The following DERA variants were observed in gnomAD, a reference collection of about 807,000 sequenced individuals.
DERA encodes the protein 2-deoxy-D-ribose 5-phosphate aldolase.
Under a neutral mutation model 41.1 loss-of-function variants are expected in DERA, and 15 were observed. The observed-to-expected ratio is 0.37, with a 90% confidence interval of 0.24 to 0.56. DERA has a LOEUF of 0.56. Ranked by LOEUF, DERA falls within the 20% of genes least tolerant of loss-of-function variation. DERA has a pLI of 0.81. For synonymous variants in DERA, 139 were observed against 137.4 expected (o/e 1.01, Z -0.08); for missense variants, 396 against 403.4 (o/e 0.98, Z 0.16).
rs1949124383 is a variant in DERA at position 16,035,882 on chromosome 12, ATC to A, written c.751-348_751-347del. Among the ~76,000 whole-genome samples, 1 of 152,128 alleles carries A rather than the reference ATC, an allele frequency of 6.6e-6. No homozygotes were observed. Among genetic ancestry groups the A allele is most frequent in the African/African-American group, 2.4e-5 (1 of 41,398 alleles). ...AGAATGAGTGGGCTTTGCTTTTGTG[ATC>A]TGTTTTCCTATTTATTGACACCTTC... On this transcript the variant is annotated intron_variant, in intron 7 of 8. Transcript: ENST00000428559. This position sits in a 1 kb window ranked among gnomAD's most constrained non-coding sequence, Gnocchi z 4.1.
intron 6 of DERA, among the ~76,000 whole-genome samples, chr12:16,030,977 C>T (rs938618749): frequency 1.5e-4 from 23 of 152,206 alleles, no homozygotes; most frequent in Non-Finnish European, 2.5e-4. Flanking sequence ...GGAATTTGTA[C>T]AGATTGCAGT....
chr12:16,016,177 C>T (rs770913836), intron 6 of DERA, among the ~76,000 whole-genome samples: 1 of 152,170 alleles, frequency 6.6e-6, no homozygotes, highest in African/African-American at 2.4e-5. Flanking sequence ...TCCATATTTA[C>T]TCTGGCCAGT....
rs1482738484 is a variant in DERA at position 15,998,988 on chromosome 12, A to C, written c.637+16552A>C. Among the ~76,000 whole-genome samples, 2 of 152,208 alleles carry C rather than the reference A, an allele frequency of 1.3e-5. No homozygotes were observed. Among genetic ancestry groups the C allele is most frequent in the Non-Finnish European group, 2.9e-5 (2 of 68,028 alleles). ...GTAATTCTTCTACTGTTCTGATAGC[A>C]CTATCAAGATTTCACCTCCTTTCAT... On this transcript the variant is annotated intron_variant, in intron 6 of 8. Coordinates refer to ENST00000428559, the MANE Select transcript of DERA (RefSeq NM_015954.4). This position sits in a 1 kb window ranked among gnomAD's most constrained non-coding sequence, Gnocchi z 4.8.
intron 1 of DERA, among the ~76,000 whole-genome samples, chr12:15,925,954 T>TG (rs112489573): frequency 0.1 from 15,773 of 151,132 alleles, 2,728 homozygotes; most frequent in African/African-American, 0.36. Context: ...CCCGAGTAGC[T>TG]GGATTAGAGG....
At chr12:15,997,519 A>G (rs1948846725) in intron 6 of DERA, among the ~76,000 whole-genome samples, 1 of 152,168 alleles carries the variant, frequency 6.6e-6, no homozygotes, top group South Asian at 2.1e-4. Flanking sequence ...AAAATACTTG[A>G]GTTAGGGGGC....
At position 15,958,221 on chromosome 12, in the gene DERA, G is replaced by A. The variant is rs753446096; in HGVS notation, c.163G>A (p.Asp55Asn). 12 of 1,585,430 alleles carry A rather than the reference G, an allele frequency of 7.6e-6. No homozygotes were observed. Among genetic ancestry groups the A allele is most frequent in the Non-Finnish European group, 9.4e-6 (11 of 1,165,074 alleles). ...GCTCCTGAAAGCTGTTACCTTTATAGATCTTACTACACTTTCAGGTGATGA... is the reference window on the plus strand; with the variant it reads ...GCTCCTGAAAGCTGTTACCTTTATAAATCTTACTACACTTTCAGGTGATGA... ...AWLLKAVTFIDLTTLSGDDTS... is the reference protein window; with the variant it reads ...AWLLKAVTFINLTTLSGDDTS... The change falls in exon 3 of 9, where the codon GAT becomes AAT. Residue 55 changes from aspartate to asparagine, a missense_variant. Coordinates refer to ENST00000428559, the MANE Select transcript of DERA (RefSeq NM_015954.4).
chr12:15,911,804 GTAATT>G lies in DERA; in HGVS notation c.31+395_31+399del, dbSNP rs1417546182. ...CTCCTCCTTTTAATAGAATACTTGT[GTAATT>G]TAATGCAGTATTTCCGTAGATAATT... On this transcript the variant is annotated intron_variant, in intron 1 of 8. Coordinates refer to ENST00000428559, the MANE Select transcript of DERA (RefSeq NM_015954.4). This position sits in a 1 kb window ranked among gnomAD's most constrained non-coding sequence, Gnocchi z 4.5. 1 of 492,054 alleles carries G rather than the reference GTAATT, an allele frequency of 2.0e-6. No individual in the cohort carries two copies. The allele number at this position is 492,054 out of a possible 1,614,324, so 30.5% of individuals were successfully genotyped here.
At position 16,014,915 on chromosome 12, in the gene DERA, T is replaced by A. The variant is rs1489960902; in HGVS notation, c.638-17627T>A. 6.6e-6 allele frequency among the ~76,000 whole-genome samples: 1 copy of A among 152,168 alleles called. No individual in the cohort carries two copies. The highest frequency in any genetic ancestry group is 2.4e-5 in the African/African-American group (1 of 41,434). On this transcript the variant is annotated intron_variant, in intron 6 of 8. Transcript: ENST00000428559. This position sits in a 1 kb window ranked among gnomAD's most constrained non-coding sequence, Gnocchi z 5.4. ...ATATGAGACATGGAGTCAAAGGAGA[T>A]CTTTTTGTAGCTTTAAGATTTGACT...
At chr12:15,925,683 G>C (rs1481322775) in intron 1 of DERA, among the ~76,000 whole-genome samples, 1 of 152,122 alleles carries the variant, frequency 6.6e-6, no homozygotes, top group African/African-American at 2.4e-5. Context: ...TCCTGAAGAA[G>C]TAGAACTTTG....
rs1219428376 is a variant in DERA at position 15,982,527 on chromosome 12, G to T, written c.637+91G>T. 25 of 1,375,510 alleles carry T rather than the reference G, an allele frequency of 1.8e-5. No homozygotes were observed. The highest frequency in any genetic ancestry group is 1.7e-4 in the South Asian group (11 of 62,926). The allele number at this position is 1,375,510 out of a possible 1,614,324, so 85.2% of individuals were successfully genotyped here. A position where few individuals can be genotyped will look rare whatever the true frequency, so the allele number is the denominator to read the frequency against. ...TGAAAGCATTTAGCTATTATTAAAC[G>T]TGCTAACCACTTGGAATTTTTTTGC... On this transcript the variant is annotated intron_variant, in intron 6 of 8. Coordinates refer to ENST00000428559, the MANE Select transcript of DERA (RefSeq NM_015954.4). This position sits in a 1 kb window ranked among gnomAD's most constrained non-coding sequence, Gnocchi z 4.0.
chr12:15,983,070 C>A lies in DERA; in HGVS notation c.637+634C>A, dbSNP rs1285825623. Among the ~76,000 whole-genome samples the A allele has an allele frequency of 1.3e-5, 2 of 152,148 alleles. No homozygotes were observed. Among genetic ancestry groups the A allele is most frequent in the African/African-American group, 4.8e-5 (2 of 41,440 alleles). ...CTTTGCTGTGTCTGACACATCTTCC[C>A]TCCATTCTAAGTGCTGCTGTCTTAG... is the stretch of plus-strand genomic sequence containing the variant. On this transcript the variant is annotated intron_variant, in intron 6 of 8. Transcript: ENST00000428559. This position sits in a 1 kb window ranked among gnomAD's most constrained non-coding sequence, Gnocchi z 6.2.
intron 1 of DERA, among the ~76,000 whole-genome samples, chr12:15,945,044 G>A (rs914368696): frequency 2.0e-5 from 3 of 152,070 alleles, no homozygotes; most frequent in Admixed American, 6.6e-5. Flanking sequence ...GATTGTAGAC[G>A]TGTGGTATTA....
At chr12:16,015,401 G>A (rs1037676655) in intron 6 of DERA, among the ~76,000 whole-genome samples, 1 of 152,154 alleles carries the variant, frequency 6.6e-6, no homozygotes, top group African/African-American at 2.4e-5. Flanking sequence ...GAGATCTGAT[G>A]GTTTTATAAG....
rs1272283311 is a variant in DERA, at chr12:15,982,007, A to G, written c.509-301A>G. Among the ~76,000 whole-genome samples the G allele has an allele frequency of 1.3e-5, 2 of 152,200 alleles. No individual in the cohort carries two copies. The highest frequency in any genetic ancestry group is 1.9e-4 in the East Asian group (1 of 5,198). On this transcript the variant is annotated intron_variant, in intron 5 of 8. Transcript: ENST00000428559. This position sits in a 1 kb window ranked among gnomAD's most constrained non-coding sequence, Gnocchi z 4.0. ...GTTTTTTGTTGGAAGCAACCATCAT[A>G]TGGACAAGACAGAAATTATTTATAA...
Position 16,009,912 on chromosome 12 carries a change from CTATT to C in DERA, c.638-22626_638-22623del, listed in dbSNP as rs1948936518. Reference sequence around the variant, plus strand: ...CTTTGGCAGTATACATGTTAAGAAACTATTTATATTGTTTTCTGCTGAGCAGAAA... The same window carrying C: ...CTTTGGCAGTATACATGTTAAGAAACTATATTGTTTTCTGCTGAGCAGAAA... On this transcript the variant is annotated intron_variant, in intron 6 of 8. Transcript: ENST00000428559. The surrounding 1 kb of genome is among the most constrained non-coding windows in gnomAD (Gnocchi z 5.3). 6.6e-6 allele frequency among the ~76,000 whole-genome samples: 1 copy of C among 152,102 alleles called. No individual in the cohort carries two copies. The highest frequency in any genetic ancestry group is 6.5e-5 in the Admixed American group (1 of 15,270).
intron 1 of DERA, among the ~76,000 whole-genome samples, chr12:15,956,373 T>G (rs1470524803): frequency 1.3e-5 from 2 of 152,262 alleles, no homozygotes; most frequent in African/African-American, 4.8e-5. Context: ...TTCTAACTTC[T>G]GTTATATCAG....
rs1949057061 is a variant in DERA, at chr12:16,026,906, T to G, written c.638-5636T>G. On this transcript the variant is annotated intron_variant, in intron 6 of 8. Transcript: ENST00000428559. The surrounding 1 kb of genome is among the most constrained non-coding windows in gnomAD (Gnocchi z 4.4). The stretch of plus-strand genomic sequence containing the variant: ...TTAATGAACATACATATAAAAATCC[T>G]TAACAAAATATTAGCAAAATGAGTC... 6.6e-6 allele frequency among the ~76,000 whole-genome samples: 1 copy of G among 152,116 alleles called. No individual in the cohort carries two copies. The highest frequency in any genetic ancestry group is 2.1e-4 in the South Asian group (1 of 4,832).
chr12:15,923,996 A>T (rs1178530657), intron 1 of DERA, among the ~76,000 whole-genome samples: 2 of 152,252 alleles, frequency 1.3e-5, no homozygotes, highest in African/African-American at 4.8e-5. Flanking sequence ...AAATTACTGT[A>T]TTCTCAGTCT....
chr12:15,952,357 CAT>C, intron 1 of DERA, among the ~76,000 whole-genome samples: 1 of 152,268 alleles, frequency 6.6e-6, no homozygotes, highest in East Asian at 1.9e-4. Flanking sequence ...TTCCATGGGA[CAT>C]ATTCTGTGTA....
Sources: allele counts gnomAD v4.1 joint callset (sites outside exome capture counted in the v4.1 genomes callset), GRCh38; gene constraint gnomAD v4.1.1; non-coding constraint Gnocchi (gnomAD v3.1); transcripts MANE v1.5; gene names NCBI Gene and HGNC (gene_info 2026-07-23, HGNC 2026-07-21).